MAPKAP1: variants seen among roughly 807,000 people sequenced by gnomAD.
MAPKAP1 encodes the protein MAPK associated protein 1.
In MAPKAP1, 20 loss-of-function variants were observed where a neutral mutation model predicts 65.7. The ratio of observed to expected loss-of-function variants is 0.30; its 90% confidence interval spans 0.21 to 0.44. The LOEUF (loss-of-function observed/expected upper bound fraction) is 0.44, where lower values mean the gene tolerates loss of function less well. Among genes scored for constraint, MAPKAP1 ranks in the 20% least tolerant of loss-of-function variants. The probability of loss-of-function intolerance (pLI) is 1.00; values close to 1 mark genes in which losing one functional copy is unlikely to be tolerated. For synonymous variants in MAPKAP1, 222 were observed against 244.3 expected, an observed-to-expected ratio of 0.91 and a Z score of 0.85; for missense variants, 423 against 648.0, an observed-to-expected ratio of 0.65 and a Z score of 3.77.
At chr9:125,492,384 T>C (rs532584995) in intron 8 of MAPKAP1, among the ~76,000 whole-genome samples, 8 of 152,346 alleles carry the variant, frequency 5.3e-5, no homozygotes, top group Admixed American at 4.6e-4. Flanking sequence ...AGTGCAGTTA[T>C]AGCTGTGTAT....
chr9:125,514,710 G>A (rs1373107579), intron 7 of MAPKAP1, among the ~76,000 whole-genome samples: 2 of 152,198 alleles, frequency 1.3e-5, no homozygotes, highest in Non-Finnish European at 2.9e-5. Flanking sequence ...AACAGAGCAG[G>A]AAAGTGACAC....
chr9:125,452,385 C>T (rs1852989087), intron 10 of MAPKAP1, among the ~76,000 whole-genome samples: 2 of 152,096 alleles, frequency 1.3e-5, no homozygotes, highest in African/African-American at 4.8e-5. Flanking sequence ...AGGCGTGAGC[C>T]ACTACGCCTG....
chr9:125,657,509 T>C (rs1370355383), intron 4 of MAPKAP1, 142 bp downstream of exon 4: 3 of 760,542 alleles, frequency 3.9e-6, no homozygotes, highest in Middle Eastern at 3.0e-4. Flanking sequence ...CATCAAGTCT[T>C]AGAAAATGTA....
chr9:125,637,486 T>C (rs893944092), intron 4 of MAPKAP1, among the ~76,000 whole-genome samples: 4 of 152,080 alleles, frequency 2.6e-5, no homozygotes, highest in South Asian at 2.1e-4. Context: ...AATACAACAG[T>C]TGAGGTGAGG....
intron 4 of MAPKAP1, among the ~76,000 whole-genome samples, chr9:125,612,130 A>T (rs2131631960): frequency 6.6e-6 from 1 of 152,200 alleles, no homozygotes; most frequent in South Asian, 2.1e-4. Context: ...GATTTCTGTT[A>T]TTTTTTGATA....
intron 9 of MAPKAP1, among the ~76,000 whole-genome samples, chr9:125,473,759 G>T (rs544665268): frequency 2.0e-5 from 3 of 152,246 alleles, no homozygotes; most frequent in South Asian, 4.1e-4. Flanking sequence ...TGAGAGCTTA[G>T]AACACCTCTA....
intron 4 of MAPKAP1, among the ~76,000 whole-genome samples, chr9:125,647,038 A>T (rs1414485691): frequency 1.3e-5 from 2 of 152,200 alleles, no homozygotes; most frequent in Non-Finnish European, 2.9e-5. Context: ...GCCTTAAATC[A>T]CGCTCTGGTG....
intron 4 of MAPKAP1, among the ~76,000 whole-genome samples, chr9:125,635,885 A>T (rs1833408856): frequency 1.3e-5 from 2 of 152,178 alleles, no homozygotes; most frequent in South Asian, 4.1e-4. Flanking sequence ...TATCCATGGG[A>T]CCCAGAAAGT....
At chr9:125,648,119 TAAC>T (rs1833783259) in intron 4 of MAPKAP1, among the ~76,000 whole-genome samples, 1 of 152,084 alleles carries the variant, frequency 6.6e-6, no homozygotes, top group African/African-American at 2.4e-5. Flanking sequence ...GTTTTCGCCA[TAAC>T]AACGACTGCA....
At chr9:125,501,360 T>G (rs1308344096) in intron 8 of MAPKAP1, among the ~76,000 whole-genome samples, 5 of 152,252 alleles carry the variant, frequency 3.3e-5, no homozygotes, top group Non-Finnish European at 5.9e-5. Context: ...ACTGCTAGAA[T>G]AAACCCAACT....
chr9:125,482,322 G>C (rs1051274863), intron 9 of MAPKAP1, among the ~76,000 whole-genome samples: 1 of 151,942 alleles, frequency 6.6e-6, no homozygotes, highest in African/African-American at 2.4e-5. Context: ...ATCTTACCTG[G>C]AATAACCAGT....
chr9:125,672,380 T>A lies in MAPKAP1; in HGVS notation c.195A>T (p.Val65=). The stretch of plus-strand genomic sequence containing the variant: ...AGGTAATATCGACTGACTGGGCATA[T>A]ACATAGCCCTGAGTCTCACCATTGC... ...QGSNGETQGY[V]YAQSVDITSS... The change falls in exon 2 of 12, where the codon GTA becomes GTT. Residue 65 remains valine (V), a synonymous_variant. Coordinates refer to ENST00000265960, the MANE Select transcript of MAPKAP1 (RefSeq NM_001006617.3). The A allele has an allele frequency of 1.2e-6, 2 of 1,614,006 alleles. No homozygotes were observed. The highest frequency in any genetic ancestry group is 1.7e-6 in the Non-Finnish European group (2 of 1,179,832).
At chr9:125,489,650 G>C (rs1157798403) in intron 8 of MAPKAP1, among the ~76,000 whole-genome samples, 1 of 152,038 alleles carries the variant, frequency 6.6e-6, no homozygotes, top group Non-Finnish European at 1.5e-5. Flanking sequence ...ATCAGGAAAG[G>C]AGAACTGAGG....
At chr9:125,570,215 G>T (rs774392168) in intron 5 of MAPKAP1, among the ~76,000 whole-genome samples, 1 of 152,132 alleles carries the variant, frequency 6.6e-6, no homozygotes, top group African/African-American at 2.4e-5. Context: ...AAAATAACTG[G>T]TTGTTTAAAA....
At chr9:125,529,193 A>AAAG (rs1829865023) in intron 7 of MAPKAP1, among the ~76,000 whole-genome samples, 1 of 141,312 alleles carries the variant, frequency 7.1e-6, no homozygotes, top group African/African-American at 2.5e-5. Flanking sequence ...AAAAAAAAAA[A>AAAG]AAAGAAAGAA....
intron 7 of MAPKAP1, among the ~76,000 whole-genome samples, chr9:125,511,362 CT>C (rs1329694188): frequency 1.3e-5 from 2 of 152,170 alleles, no homozygotes; most frequent in Admixed American, 1.3e-4. Context: ...TATAAACCCA[CT>C]TAAGAGAGGA....
intron 10 of MAPKAP1, among the ~76,000 whole-genome samples, chr9:125,452,795 G>A (rs899942779): frequency 6.6e-6 from 1 of 152,020 alleles, no homozygotes; most frequent in Non-Finnish European, 1.5e-5. Context: ...GCTGAGGCAC[G>A]AGAATTTTGA....
intron 3 of MAPKAP1, among the ~76,000 whole-genome samples, chr9:125,666,252 G>C (rs1278022996): frequency 6.6e-6 from 1 of 152,148 alleles, no homozygotes; most frequent in Non-Finnish European, 1.5e-5. Flanking sequence ...CATGGCACAT[G>C]GATCAGTAAG....
chr9:125,631,401 C>G (rs1441180378), intron 4 of MAPKAP1, among the ~76,000 whole-genome samples: 1 of 152,220 alleles, frequency 6.6e-6, no homozygotes, highest in East Asian at 1.9e-4. Context: ...ACCCAAGAAC[C>G]CTTCTACTAT....
Sources: allele counts gnomAD v4.1 joint callset (sites outside exome capture counted in the v4.1 genomes callset), GRCh38; gene constraint gnomAD v4.1.1; transcripts MANE v1.5; gene names NCBI Gene and HGNC (gene_info 2026-07-23, HGNC 2026-07-21).